The following ZNF71 variants were observed in gnomAD, a reference collection of about 807,000 sequenced individuals.
ZNF71 encodes endothelial zinc finger protein induced by tumor necrosis factor alpha.
A neutral mutation model predicts 6.7 loss-of-function variants in ZNF71; 3 were observed. The observed-to-expected ratio is 0.45, with a 90% confidence interval of 0.20 to 1.16. The LOEUF is 1.16. ZNF71 is among the 50% of genes most tolerant of loss of function. ZNF71 has a pLI of 0.25. For synonymous variants in ZNF71, 343 were observed against 311.1 expected, an observed-to-expected ratio of 1.10 and a Z score of -1.08; for missense variants, 688 against 728.6, an observed-to-expected ratio of 0.94 and a Z score of 0.64.
At chr19:56,608,988 T>C (rs887954) in intron 2 of ZNF71, among the ~76,000 whole-genome samples, 26,327 of 152,200 alleles carry the variant, frequency 0.17, 3,394 homozygotes, top group East Asian at 0.65. Context: ...ATGGATGTTA[T>C]GGTTGTCCAA....
At position 56,613,486 on chromosome 19, in the gene ZNF71, C is replaced by T. The variant is rs1391589448; in HGVS notation, c.34-326C>T. Among the ~76,000 whole-genome samples the T allele has an allele frequency of 6.6e-6, 1 of 152,240 alleles. No individual in the cohort carries two copies. The highest frequency in any genetic ancestry group is 2.4e-5 in the African/African-American group (1 of 41,462). On this transcript the variant is annotated intron_variant, in intron 2 of 3. Transcript: ENST00000599599. The surrounding 1 kb of genome is among the most constrained non-coding windows in gnomAD (Gnocchi z 4.6). ...GTGCCCCTGGATTCCATCTGGGGCT[C>T]TGCCTCTGCTGTGCTCCTAATGCAT...
rs750278640 is a variant in ZNF71, at chr19:56,621,861, G to A, written c.754G>A (p.Gly252Ser). Reference protein sequence around the residue: ...GEKPYACGDCGKAFSQRMNLT... With the variant: ...GEKPYACGDCSKAFSQRMNLT... ...GAAGCCCTATGCCTGCGGGGACTGC[G>A]GCAAGGCCTTCAGCCAGCGCATGAA... Residue 252 changes from glycine (G) to serine (S), a missense_variant, in exon 4 of 4, where the codon GGC becomes AGC. Coordinates refer to ENST00000599599, the MANE Select transcript of ZNF71 (RefSeq NM_001370215.1). The A allele has an allele frequency of 1.9e-6, 3 of 1,611,968 alleles. No homozygotes were observed. Among genetic ancestry groups the A allele is most frequent in the African/African-American group, 1.3e-5 (1 of 74,924 alleles).
At chr19:56,595,841 GTGTGTGTGTGTT>G (rs1376796390) in intron 1 of ZNF71, among the ~76,000 whole-genome samples, 1 of 140,848 alleles carries the variant, frequency 7.1e-6, no homozygotes, top group African/African-American at 2.7e-5. Flanking sequence ...TATTGTGATT[GTGTGTGTGTGTT>G]TGTGTGTGTG....
intron 2 of ZNF71, among the ~76,000 whole-genome samples, chr19:56,612,504 ATAAGT>A (rs1342696730): frequency 6.6e-6 from 1 of 152,216 alleles, no homozygotes; most frequent in African/African-American, 2.4e-5. Context: ...GGCCATTATC[ATAAGT>A]TAAGTAACTC....
rs753198512 is a variant in ZNF71, at chr19:56,622,320, C to G, written c.1213C>G (p.Gln405Glu). 6.2e-7 allele frequency: 1 copy of G among 1,612,764 alleles called. No individual in the cohort carries two copies. Among genetic ancestry groups the G allele is most frequent in the Admixed American group, 1.7e-5 (1 of 59,896 alleles). Residue 405 changes from glutamine (Q) to glutamate (E), a missense_variant, in exon 4 of 4, where the codon CAG becomes GAG. Gln to Glu is a conservative substitution (Grantham distance 29). Transcript: ENST00000599599. ...CCAGAGCTCCTACCTCATCCAGCAC[C>G]AGCGCTTCCACATCGGCGTGAAGCC... is the stretch of plus-strand genomic sequence containing the variant. ...FSQSSYLIQH[Q>E]RFHIGVKPFE...
chr19:56,601,954 A>G lies in ZNF71; in HGVS notation c.33+363A>G, dbSNP rs115886909. On this transcript the variant is annotated intron_variant, in intron 2 of 3. Coordinates refer to ENST00000599599, the MANE Select transcript of ZNF71 (RefSeq NM_001370215.1). ...ATGCTTCTTGTGAATGTGAATGCCC[A>G]CATGTGTGATGAAAGTACAAAAGCT... Among the ~76,000 whole-genome samples, 1,059 of 152,344 alleles carry G rather than the reference A, an allele frequency of 7.0e-3. 7 individuals carry two copies. The highest frequency in any genetic ancestry group is 0.024 in the African/African-American group (1,003 of 41,576).
intron 3 of ZNF71, 48 bp from the exon 4 acceptor site, chr19:56,621,220 G>C: frequency 6.6e-7 from 1 of 1,505,150 alleles, no homozygotes; most frequent in East Asian, 2.3e-5. Context: ...CTCACTCCCA[G>C]CATCTTTAAC....
In ZNF71 at chr19:56,604,850, G is replaced by C. The variant is rs148365557; in HGVS notation, c.33+3259G>C. On this transcript the variant is annotated intron_variant, in intron 2 of 3. Coordinates refer to ENST00000599599, the MANE Select transcript of ZNF71 (RefSeq NM_001370215.1). ...GGTGGTGGGGACACTCAGTATGCTG[G>C]AGAGAGCCAGTGAGCTCTGAGTGTC... is the stretch of plus-strand genomic sequence containing the variant. Among the ~76,000 whole-genome samples, 1,160 of 152,332 alleles carry C rather than the reference G, an allele frequency of 7.6e-3. 19 individuals are homozygous for C. Among genetic ancestry groups the C allele is most frequent in the African/African-American group, 0.025 (1,060 of 41,576 alleles).
intron 2 of ZNF71, chr19:56,609,874 G>T (rs1268389721): frequency 6.6e-6 from 1 of 151,934 alleles, no homozygotes; most frequent in African/African-American, 2.4e-5. Flanking sequence ...ATACGATATG[G>T]ATTTTGCCTA....
intron 1 of ZNF71, among the ~76,000 whole-genome samples, chr19:56,596,617 G>A (rs1436451011): frequency 2.6e-5 from 4 of 152,196 alleles, no homozygotes; most frequent in African/African-American, 9.6e-5. Flanking sequence ...AGGAGAGGTT[G>A]ATTTGTTCAG....
At chr19:56,621,187 G>T in intron 3 of ZNF71, 81 bp from the exon 4 acceptor site, 3 of 1,425,494 alleles carry the variant, frequency 2.1e-6, no homozygotes, top group East Asian at 2.4e-5. Context: ...GGTTTCATTT[G>T]CTCCTTCCTG....
At chr19:56,596,030 G>T (rs2044620013) in intron 1 of ZNF71, among the ~76,000 whole-genome samples, 1 of 151,978 alleles carries the variant, frequency 6.6e-6, no homozygotes, top group South Asian at 2.1e-4. Flanking sequence ...TGGTCTCTCT[G>T]TGGAGCTGTG....
chr19:56,599,202 G>A lies in ZNF71; in HGVS notation c.-52-2305G>A, dbSNP rs1025620444. On this transcript the variant is annotated intron_variant, in intron 1 of 3. Transcript: ENST00000599599. ...TTCCAGTCAGAGGTGTTGGTGGCAC[G>A]GGTAGTGAGCCCCCATCACGGGAGA... Among the ~76,000 whole-genome samples the A allele has an allele frequency of 3.3e-5, 5 of 152,174 alleles. No homozygotes were observed. The East Asian group carries it at 9.6e-4, about 29-fold the overall frequency.
chr19:56,603,902 C>T lies in ZNF71; in HGVS notation c.33+2311C>T, dbSNP rs1398364798. On this transcript the variant is annotated intron_variant, in intron 2 of 3. Coordinates refer to ENST00000599599, the MANE Select transcript of ZNF71 (RefSeq NM_001370215.1). This position sits in a 1 kb window ranked among gnomAD's most constrained non-coding sequence, Gnocchi z 4.6. ...TGGTTTGTGTCATTAGACAGGAAAC[C>T]GAAAAAGATGGAGTACTAGAAAAAG... 6.6e-6 allele frequency among the ~76,000 whole-genome samples: 1 copy of T among 151,566 alleles called. No individual in the cohort carries two copies. The highest frequency in any genetic ancestry group is 2.4e-5 in the African/African-American group (1 of 41,176).
At chr19:56,609,560 G>A (rs865884836) in intron 2 of ZNF71, among the ~76,000 whole-genome samples, 29 of 151,786 alleles carry the variant, frequency 1.9e-4, no homozygotes, top group African/African-American at 3.6e-4. Flanking sequence ...TGCCTGTCCC[G>A]GACATTGTGT....
chr19:56,610,813 C>A (rs1220481980), intron 2 of ZNF71, among the ~76,000 whole-genome samples: 2 of 152,200 alleles, frequency 1.3e-5, no homozygotes, highest in Non-Finnish European at 2.9e-5. Flanking sequence ...CCTTTTGTGA[C>A]TGGCATATTT....
intron 1 of ZNF71, among the ~76,000 whole-genome samples, chr19:56,600,154 G>T (rs2044658474): frequency 7.4e-6 from 1 of 135,858 alleles, no homozygotes; most frequent in Non-Finnish European, 1.5e-5. Context: ...GGAGTGCAGT[G>T]GTGCAATCTT....
At position 56,613,288 on chromosome 19, in the gene ZNF71, A is replaced by G. The variant is rs964807283; in HGVS notation, c.34-524A>G. Among the ~76,000 whole-genome samples, 1 of 152,208 alleles carries G rather than the reference A, an allele frequency of 6.6e-6. No individual in the cohort carries two copies. Among genetic ancestry groups the G allele is most frequent in the Non-Finnish European group, 1.5e-5 (1 of 68,044 alleles). ...TTCCTGGGCACCCCCCACAGCTGGC[A>G]TTACTCAGGCACCTGGAGACCTTTG... On this transcript the variant is annotated intron_variant, in intron 2 of 3. Coordinates refer to ENST00000599599, the MANE Select transcript of ZNF71 (RefSeq NM_001370215.1). The surrounding 1 kb of genome is among the most constrained non-coding windows in gnomAD (Gnocchi z 4.6).
At chr19:56,607,962 C>G (rs1861699051) in intron 2 of ZNF71, among the ~76,000 whole-genome samples, 2 of 152,174 alleles carry the variant, frequency 1.3e-5, no homozygotes, top group Non-Finnish European at 2.9e-5. Flanking sequence ...GAGGCTTCAG[C>G]TGCTGGTCAG....
Sources: gnomAD v4.1 joint callset for allele counts (sites outside exome capture counted in the v4.1 genomes callset) on GRCh38, gnomAD v4.1.1 for gene constraint, Gnocchi (gnomAD v3.1) non-coding constraint, MANE v1.5 for transcripts, NCBI Gene and HGNC (gene_info 2026-07-23, HGNC 2026-07-21) for gene names.